COL14A1: variants seen among roughly 807,000 people sequenced by gnomAD.
COL14A1 encodes collagen alpha-1(XIV) chain.
A neutral mutation model predicts 230.3 loss-of-function variants in COL14A1; 136 were observed. The observed-to-expected ratio is 0.59, with a 90% CI of 0.51 to 0.68. The LOEUF (loss-of-function observed/expected upper bound fraction) is 0.68, where lower values mean the gene tolerates loss of function less well. COL14A1 is among the 30% of genes least tolerant of loss of function. The pLI is 0.00. For synonymous variants in COL14A1, 792 were observed against 784.1 expected (o/e 1.01, Z -0.17); for missense variants, 1,976 against 2,215.8 (o/e 0.89, Z 2.17).
Position 120,152,730 on chromosome 8 carries a change from G to A in COL14A1, c.88+4800G>A, listed in dbSNP as rs947980183. 6.6e-5 allele frequency among the ~76,000 whole-genome samples: 10 copies of A among 152,000 alleles called. No individual in the cohort carries two copies. The South Asian group carries it at 8.3e-4, about 13-fold the overall frequency. On this transcript the variant is annotated intron_variant, in intron 2 of 47. Transcript: ENST00000297848. ...TGTGATGGCTGTAGGAGAAAAATGC[G>A]TACAGCAATAACAGAGTGATGGGAT...
intron 9 of COL14A1, among the ~76,000 whole-genome samples, chr8:120,204,744 A>G (rs1237035466): frequency 6.6e-6 from 1 of 152,188 alleles, no homozygotes; most frequent in East Asian, 1.9e-4. Flanking sequence ...TGTAGTTTTC[A>G]TTAAGACTGG....
chr8:120,363,865 A>G (rs1345304000), intron 45 of COL14A1, among the ~76,000 whole-genome samples: 3 of 152,236 alleles, frequency 2.0e-5, no homozygotes, highest in Non-Finnish European at 2.9e-5. Flanking sequence ...AGTTCACTCA[A>G]CAAGTATTTG....
At chr8:120,167,425 C>G (rs978747025) in intron 4 of COL14A1, among the ~76,000 whole-genome samples, 8 of 152,144 alleles carry the variant, frequency 5.3e-5, no homozygotes, top group African/African-American at 1.9e-4. Flanking sequence ...GTGCAGAGAC[C>G]ACTGACATTT....
chr8:120,321,283 C>T (rs1036920627), intron 40 of COL14A1, among the ~76,000 whole-genome samples: 1 of 152,040 alleles, frequency 6.6e-6, no homozygotes, highest in African/African-American at 2.4e-5. Context: ...AGTGGCACAC[C>T]TGGGCACATC....
At chr8:120,238,219 C>T (rs1469419012) in intron 19 of COL14A1, among the ~76,000 whole-genome samples, 1 of 152,206 alleles carries the variant, frequency 6.6e-6, no homozygotes, top group Non-Finnish European at 1.5e-5. Context: ...CCACCCCTTC[C>T]CCCAGGTGCT....
intron 40 of COL14A1, among the ~76,000 whole-genome samples, chr8:120,322,803 G>A (rs1821503442): frequency 1.3e-5 from 2 of 151,966 alleles, no homozygotes. Flanking sequence ...TATCATTGAT[G>A]GGCATTTAGG....
chr8:120,315,240 G>A (rs1449761064), intron 38 of COL14A1, among the ~76,000 whole-genome samples: 2 of 151,866 alleles, frequency 1.3e-5, no homozygotes, highest in African/African-American at 2.4e-5. Flanking sequence ...TGTGGTGGCA[G>A]GCATCTGTAA....
chr8:120,264,672 T>A (rs1819452563), intron 24 of COL14A1, among the ~76,000 whole-genome samples: 1 of 152,170 alleles, frequency 6.6e-6, no homozygotes, highest in African/African-American at 2.4e-5. Context: ...CATACTTTTT[T>A]AAGTTTTAAA....
intron 1 of COL14A1, among the ~76,000 whole-genome samples, chr8:120,143,336 T>C: frequency 6.6e-6 from 1 of 152,140 alleles, no homozygotes; most frequent in Non-Finnish European, 1.5e-5. Flanking sequence ...TACTTGGGAC[T>C]GGCCGGGCAC....
chr8:120,304,276 T>A (rs986678029), intron 36 of COL14A1, among the ~76,000 whole-genome samples: 1 of 152,170 alleles, frequency 6.6e-6, no homozygotes, highest in African/African-American at 2.4e-5. Context: ...ATTTCTTGTC[T>A]TCTGCTAGTT....
intron 5 of COL14A1, among the ~76,000 whole-genome samples, chr8:120,194,210 C>G (rs552698190): frequency 2.0e-5 from 3 of 152,258 alleles, no homozygotes; most frequent in South Asian, 4.1e-4. Context: ...TCCTATGAGT[C>G]TTAATTTCAA....
intron 5 of COL14A1, among the ~76,000 whole-genome samples, chr8:120,168,567 A>C (rs1678779313): frequency 6.6e-6 from 1 of 152,168 alleles, no homozygotes; most frequent in Non-Finnish European, 1.5e-5. Context: ...TGTAAATTGC[A>C]TGGGCTCTCC....
At chr8:120,152,867 C>G (rs1270593719) in intron 2 of COL14A1, among the ~76,000 whole-genome samples, 1 of 152,112 alleles carries the variant, frequency 6.6e-6, no homozygotes, top group Non-Finnish European at 1.5e-5. Flanking sequence ...TTAAAAACCT[C>G]GACGCATAGA....
At chr8:120,246,459 T>C (rs1818766293) in intron 20 of COL14A1, among the ~76,000 whole-genome samples, 1 of 151,020 alleles carries the variant, frequency 6.6e-6, no homozygotes, top group East Asian at 2.1e-4. Flanking sequence ...TTCTAGCATA[T>C]GTTGGTATGT....
At chr8:120,131,838 C>CTTTTTTTTTTTTTTTTTTTTTTTTTT (rs1172286717) in intron 1 of COL14A1, among the ~76,000 whole-genome samples, 3 of 68,950 alleles carry the variant, frequency 4.4e-5, no homozygotes, top group Admixed American at 2.4e-4. Flanking sequence ...TTCTTCCTTT[C>CTTTTTTTTTTTTTTTTTTTTTTTTTT]TTTTTTTTTT....
chr8:120,345,076 G>A (rs947280460), intron 44 of COL14A1, among the ~76,000 whole-genome samples: 2 of 152,146 alleles, frequency 1.3e-5, no homozygotes, highest in African/African-American at 2.4e-5. Flanking sequence ...TCAGATAAAT[G>A]TTGAGGGTAA....
At position 120,207,074 on chromosome 8, in the gene COL14A1, A is replaced by G; in HGVS notation, c.1171A>G (p.Arg391Gly). ...EKYRVVYYPT[R>G]GGKPDEVVVD... ...ATACAGAGTTGTGTATTATCCTACCAGGGGTGGAAAACCAGACGAGGTAAT... is the reference window on the plus strand; with the variant it reads ...ATACAGAGTTGTGTATTATCCTACCGGGGGTGGAAAACCAGACGAGGTAAT... Residue 391 changes from arginine (R) to glycine (G), a missense_variant, in exon 10 of 48, where the codon AGG becomes GGG. Physicochemically the swap from Arg to Gly is moderately radical, Grantham distance 125 (BLOSUM62 -2). Around this residue, in one of 3 missense-constraint regions of COL14A1, gnomAD observed 1,791 missense variants for 2,019.5 expected, o/e 0.89. Transcript: ENST00000297848. The G allele has an allele frequency of 1.2e-6, 2 of 1,612,044 alleles. No homozygotes were observed. Among genetic ancestry groups the G allele is most frequent in the Non-Finnish European group, 1.7e-6 (2 of 1,179,430 alleles).
chr8:120,250,107 G>A (rs1162106475), intron 21 of COL14A1, among the ~76,000 whole-genome samples: 4 of 152,156 alleles, frequency 2.6e-5, no homozygotes, highest in Non-Finnish European at 5.9e-5. Context: ...TGGAATAAGA[G>A]CATAATCTGT....
At chr8:120,368,392 G>T (rs1437978664) in intron 46 of COL14A1, among the ~76,000 whole-genome samples, 2 of 152,090 alleles carry the variant, frequency 1.3e-5, no homozygotes, top group Non-Finnish European at 2.9e-5. Flanking sequence ...TAGAGACAAT[G>T]TGAGGAACTG....
Sources: allele counts gnomAD v4.1 joint callset (sites outside exome capture counted in the v4.1 genomes callset), GRCh38; gene constraint gnomAD v4.1.1; regional missense constraint gnomAD v4.1.1; transcripts MANE v1.5; gene names NCBI Gene and HGNC (gene_info 2026-07-23, HGNC 2026-07-21).